The following FSIP1 variants were observed in gnomAD, a reference collection of about 807,000 sequenced individuals.
FSIP1 encodes fibrous sheath-interacting protein 1.
In FSIP1, 65 loss-of-function variants were observed where a neutral mutation model predicts 60.9. That is an observed-to-expected ratio of 1.07 (90% CI 0.87 to 1.31). The LOEUF is 1.31. Among genes scored for constraint, FSIP1 ranks in the 40% most tolerant of loss-of-function variants. The probability of loss-of-function intolerance (pLI) is 0.00; values close to 1 mark genes in which losing one functional copy is unlikely to be tolerated. For synonymous variants in FSIP1, 209 were observed against 221.2 expected (o/e 0.94, Z 0.49); for missense variants, 675 against 665.5 (o/e 1.01, Z -0.16).
chr15:39,634,066 G>A (rs1892025315), intron 10 of FSIP1, among the ~76,000 whole-genome samples: 1 of 152,048 alleles, frequency 6.6e-6, no homozygotes, highest in African/African-American at 2.4e-5. Context: ...CCTCTTGATG[G>A]CTGTCCCCTC....
At chr15:39,767,820 A>G (rs982519349) in intron 3 of FSIP1, among the ~76,000 whole-genome samples, 1 of 152,104 alleles carries the variant, frequency 6.6e-6, no homozygotes, top group Non-Finnish European at 1.5e-5. Flanking sequence ...CTCCCCATCC[A>G]TCTCACTGAG....
rs1897658802 is a variant in FSIP1, at chr15:39,765,641, AT to A, written c.415del (p.Ile139LeufsTer6). The A allele has an allele frequency of 2.5e-6, 4 of 1,605,206 alleles. No homozygotes were observed. The South Asian group carries it at 4.5e-5, about 18-fold the overall frequency. ...TCTCATTTCTAGACCTTGCTTCTTA[AT>A]TTCTTTTTCTCTGCGTTGTTTCTTT... The part of the protein sequence containing the change: ...LAKKQRREKE[I>X]KKQGLEMRIK... On this transcript the variant is annotated frameshift_variant, in exon 4 of 12. Coordinates refer to ENST00000350221, the MANE Select transcript of FSIP1 (RefSeq NM_152597.5). LOFTEE classifies it high-confidence loss of function.
rs139170104 is a variant in FSIP1, at chr15:39,673,056, G to A, written c.1188+40388C>T. Among the ~76,000 whole-genome samples, 922 of 152,280 alleles carry A rather than the reference G, an allele frequency of 6.1e-3. 9 individuals carry two copies. Among genetic ancestry groups the A allele is most frequent in the African/African-American group, 0.021 (864 of 41,548 alleles). On this transcript the variant is annotated intron_variant, in intron 10 of 11. Transcript: ENST00000350221. ...ACAACTGAGACCACAGGATAATCAC[G>A]GAACTTGTCAGTCCTAGAACGTATG... is the stretch of plus-strand genomic sequence containing the variant.
intron 7 of FSIP1, 136 bp from the exon 8 acceptor site, chr15:39,738,337 G>T: frequency 1.8e-6 from 1 of 566,484 alleles, no homozygotes; most frequent in Non-Finnish European, 3.0e-6. Flanking sequence ...ACATTTTCTA[G>T]GTAATTTTAT....
At chr15:39,763,966 T>C (rs1452415923) in intron 4 of FSIP1, 52 bp from the exon 5 acceptor site, 2 of 959,546 alleles carry the variant, frequency 2.1e-6, no homozygotes, top group African/African-American at 3.3e-5. Context: ...GCAACTATAA[T>C]CATTGATTTT....
chr15:39,696,714 A>G (rs938420229), intron 10 of FSIP1, among the ~76,000 whole-genome samples: 1 of 152,208 alleles, frequency 6.6e-6, no homozygotes, highest in African/African-American at 2.4e-5. Context: ...AGACACACTC[A>G]TATAGTACCA....
At chr15:39,703,388 ATG>A (rs1895139752) in intron 10 of FSIP1, among the ~76,000 whole-genome samples, 1 of 136,032 alleles carries the variant, frequency 7.4e-6, no homozygotes, top group Admixed American at 1.0e-4. Flanking sequence ...ATCATAACAC[ATG>A]TGAAAAACCA....
Position 39,713,431 on chromosome 15 carries a change from C to T in FSIP1, c.1188+13G>A. ...TTTTCTTAAAAAAAATTAATTAAAA[C>T]AAAAAGACTTACCACATTTTCCTTC... is the stretch of plus-strand genomic sequence containing the variant. On this transcript the variant is annotated intron_variant, in intron 10 of 11. Transcript: ENST00000350221. 1 of 1,580,262 alleles carries T rather than the reference C, an allele frequency of 6.3e-7. No individual in the cohort carries two copies. The highest frequency in any genetic ancestry group is 1.2e-5 in the South Asian group (1 of 84,694).
chr15:39,679,473 G>A (rs1415286542), intron 10 of FSIP1, among the ~76,000 whole-genome samples: 2 of 152,048 alleles, frequency 1.3e-5, no homozygotes, highest in Admixed American at 6.5e-5. Context: ...ATGGTGGCTC[G>A]CGCCTGTCAT....
intron 10 of FSIP1, among the ~76,000 whole-genome samples, chr15:39,707,281 T>TA (rs1285883382): frequency 6.6e-6 from 1 of 152,156 alleles, no homozygotes; most frequent in African/African-American, 2.4e-5. Flanking sequence ...CCTGATTGTT[T>TA]ACCATTGCTT....
chr15:39,611,043 A>C (rs1174127998), intron 11 of FSIP1, among the ~76,000 whole-genome samples: 2 of 152,358 alleles, frequency 1.3e-5, no homozygotes, highest in East Asian at 3.9e-4. Context: ...AAAGCACTAA[A>C]TGGTGTAAGT....
At chr15:39,721,356 T>C (rs1338648666) in intron 9 of FSIP1, among the ~76,000 whole-genome samples, 1 of 152,250 alleles carries the variant, frequency 6.6e-6, no homozygotes, top group East Asian at 1.9e-4. Flanking sequence ...TTCAAAGGAA[T>C]TTTTAAAATA....
intron 5 of FSIP1, among the ~76,000 whole-genome samples, chr15:39,751,762 A>T (rs988309525): frequency 1.3e-5 from 2 of 151,992 alleles, no homozygotes; most frequent in African/African-American, 4.8e-5. Flanking sequence ...ACTATAATTG[A>T]TAATAGTGTA....
At chr15:39,660,936 G>A (rs530169398) in intron 10 of FSIP1, among the ~76,000 whole-genome samples, 8 of 152,238 alleles carry the variant, frequency 5.3e-5, no homozygotes, top group South Asian at 2.1e-4. Context: ...GGTGGCGCAC[G>A]CCTGTAATCC....
chr15:39,654,430 C>T (rs1351425742), intron 10 of FSIP1, among the ~76,000 whole-genome samples: 1 of 152,152 alleles, frequency 6.6e-6, no homozygotes, highest in Non-Finnish European at 1.5e-5. Context: ...CTTATGGGAC[C>T]ACCGTCGTAT....
intron 10 of FSIP1, among the ~76,000 whole-genome samples, chr15:39,619,033 G>C (rs995988613): frequency 6.6e-6 from 1 of 152,082 alleles, no homozygotes; most frequent in African/African-American, 2.4e-5. Context: ...CCTTTACAGG[G>C]GGATGAATTA....
At chr15:39,745,237 T>C (rs1896954834) in intron 5 of FSIP1, among the ~76,000 whole-genome samples, 1 of 150,884 alleles carries the variant, frequency 6.6e-6, no homozygotes, top group African/African-American at 2.4e-5. Context: ...ATACAATTTT[T>C]AGATGCCCTA....
intron 11 of FSIP1, among the ~76,000 whole-genome samples, chr15:39,602,596 A>T (rs1233506537): frequency 2.6e-5 from 4 of 152,218 alleles, no homozygotes; most frequent in African/African-American, 9.6e-5. Flanking sequence ...ATGGAGAAGA[A>T]ATATTAAACA....
intron 1 of FSIP1, among the ~76,000 whole-genome samples, chr15:39,780,344 G>GA (rs1898215707): frequency 6.6e-6 from 1 of 152,136 alleles, no homozygotes; most frequent in African/African-American, 2.4e-5. Context: ...CTAACACGGT[G>GA]AAACCCCGTC....
Sources: gnomAD v4.1 joint callset for allele counts (sites outside exome capture counted in the v4.1 genomes callset) on GRCh38, gnomAD v4.1.1 for gene constraint, MANE v1.5 for transcripts, NCBI Gene and HGNC (gene_info 2026-07-23, HGNC 2026-07-21) for gene names.